The following ARSG variants were observed in gnomAD, a reference collection of about 807,000 sequenced individuals.
The protein encoded by ARSG is arylsulfatase G.
ARSG carries 37 observed loss-of-function variants against 50.5 expected under a neutral mutation model. The ratio of observed to expected loss-of-function variants is 0.73; its 90% confidence interval spans 0.56 to 0.96. The LOEUF is 0.96. Among genes scored for constraint, ARSG ranks in the 50% least tolerant of loss-of-function variants. The pLI is 0.00. For missense variants in ARSG, 629 were observed against 675.3 expected, an observed-to-expected ratio of 0.93 and a Z score of 0.76; for synonymous variants, 225 against 254.6, an observed-to-expected ratio of 0.88 and a Z score of 1.11.
At chr17:68,352,968 G>T (rs1168335134) in intron 5 of ARSG, among the ~76,000 whole-genome samples, 9 of 152,094 alleles carry the variant, frequency 5.9e-5, no homozygotes, top group Non-Finnish European at 1.5e-5. Context: ...GAGCACTGTG[G>T]TTATTTCTAA....
chr17:68,334,958 T>C (rs1250220369), intron 2 of ARSG, among the ~76,000 whole-genome samples: 1 of 152,150 alleles, frequency 6.6e-6, no homozygotes, highest in African/African-American at 2.4e-5. Context: ...ACCCCACCTC[T>C]CAATGGGAGG....
At chr17:68,403,915 G>A (rs944182620) in intron 11 of ARSG, among the ~76,000 whole-genome samples, 4 of 151,504 alleles carry the variant, frequency 2.6e-5, no homozygotes, top group South Asian at 2.1e-4. Flanking sequence ...GTGTCCATGT[G>A]TTCTCATTGT....
At chr17:68,439,365 A>C in the ARSG span, among the ~76,000 whole-genome samples, 1 of 152,222 alleles carries the variant, frequency 6.6e-6, no homozygotes, top group Admixed American at 6.5e-5. Context: ...TATGTGAAAG[A>C]AGTCAGTCAC....
At chr17:68,360,970 G>A (rs541064010) in intron 6 of ARSG, among the ~76,000 whole-genome samples, 3 of 152,100 alleles carry the variant, frequency 2.0e-5, no homozygotes, top group South Asian at 2.1e-4. Flanking sequence ...GATTACAGGC[G>A]CCCGCCACCA....
chr17:68,449,307 T>C, the ARSG span, among the ~76,000 whole-genome samples: 1 of 152,236 alleles, frequency 6.6e-6, no homozygotes, highest in Non-Finnish European at 1.5e-5. Context: ...GGTCGTATAA[T>C]GGTGAACACA....
In ARSG at chr17:68,307,693, T is replaced by C. The variant is rs2076661585; in HGVS notation, c.200T>C (p.Met67Thr). The C allele has an allele frequency of 2.5e-6, 4 of 1,590,534 alleles. No homozygotes were observed. Among genetic ancestry groups the C allele is most frequent in the Non-Finnish European group, 3.5e-6 (4 of 1,158,766 alleles). The change falls in exon 2 of 12, where the codon ATG (methionine) becomes ACG (threonine). Residue 67 changes from methionine to threonine, a missense_variant. Physicochemically the swap from Met to Thr is moderately conservative, Grantham distance 81 (BLOSUM62 -1). Coordinates refer to ENST00000621439, the MANE Select transcript of ARSG (RefSeq NM_001267727.2). ...AAGGACACTGCCAACCTTGATAAGA[T>C]GGCTTCGGAGGGAATGAGGTGAGTC... ...ETKDTANLDKMASEGMRFVDF... is the reference protein window; with the variant it reads ...ETKDTANLDKTASEGMRFVDF...
downstream of ARSG, chr17:68,424,406 G>C (rs1263900825): frequency 9.4e-6 from 5 of 533,050 alleles, no homozygotes; most frequent in Non-Finnish European, 1.2e-5. Context: ...GGGTTCCACG[G>C]ATCTGCGGGA....
At chr17:68,385,387 C>T (rs1180698525) in intron 9 of ARSG, among the ~76,000 whole-genome samples, 1 of 151,532 alleles carries the variant, frequency 6.6e-6, no homozygotes, top group African/African-American at 2.4e-5. Flanking sequence ...AGTGGGGCCA[C>T]GTGTGGAGGC....
chr17:68,326,867 G>C (rs2077525809), intron 2 of ARSG, among the ~76,000 whole-genome samples: 1 of 152,134 alleles, frequency 6.6e-6, no homozygotes, highest in Non-Finnish European at 1.5e-5. Context: ...TGTGCATCAA[G>C]CAACAGTCGT....
chr17:68,315,506 G>A (rs1255412227), intron 2 of ARSG, among the ~76,000 whole-genome samples: 1 of 151,870 alleles, frequency 6.6e-6, no homozygotes, highest in Admixed American at 6.6e-5. Flanking sequence ...CAGCCTGGGT[G>A]ATGGAGTGAA....
At chr17:68,346,392 G>A (rs1043151518) in intron 3 of ARSG, among the ~76,000 whole-genome samples, 8 of 152,260 alleles carry the variant, frequency 5.3e-5, no homozygotes, top group East Asian at 1.9e-4. Flanking sequence ...GTGGTTGCCC[G>A]TTAATCTCTC....
intron 1 of ARSG, among the ~76,000 whole-genome samples, chr17:68,297,575 C>T (rs2076251210): frequency 1.3e-5 from 2 of 152,136 alleles, no homozygotes; most frequent in Admixed American, 1.3e-4. Context: ...TGCAGGGAGT[C>T]TGGATTTTGC....
At chr17:68,282,779 T>TAA (rs36155626) in intron 1 of ARSG, among the ~76,000 whole-genome samples, 20 of 53,398 alleles carry the variant, frequency 3.7e-4, no homozygotes, top group Non-Finnish European at 5.0e-4. Context: ...CCATCTCTAC[T>TAA]AAAAAAAAAA....
chr17:68,322,595 G>A (rs899222322), intron 2 of ARSG, among the ~76,000 whole-genome samples: 12 of 151,580 alleles, frequency 7.9e-5, no homozygotes, highest in African/African-American at 1.7e-4. Context: ...CCAGCCTGGC[G>A]ATAGAGTGAG....
intron 5 of ARSG, among the ~76,000 whole-genome samples, chr17:68,352,960 G>A (rs908990087): frequency 3.3e-5 from 5 of 152,170 alleles, no homozygotes; most frequent in Non-Finnish European, 7.3e-5. Context: ...TTCGGACAGA[G>A]CACTGTGGTT....
intron 2 of ARSG, among the ~76,000 whole-genome samples, chr17:68,328,827 A>G (rs2077608345): frequency 6.6e-6 from 1 of 152,096 alleles, no homozygotes; most frequent in African/African-American, 2.4e-5. Context: ...GATGCAGGCT[A>G]TGGCTTTCCC....
the ARSG span, among the ~76,000 whole-genome samples, chr17:68,432,911 T>C: frequency 6.6e-6 from 1 of 152,200 alleles, no homozygotes; most frequent in East Asian, 1.9e-4. Context: ...CAAAGCTCAT[T>C]GTCTGCCCTG....
At chr17:68,279,841 T>G (rs782208964) in intron 1 of ARSG, among the ~76,000 whole-genome samples, 13 of 152,192 alleles carry the variant, frequency 8.5e-5, no homozygotes, top group Non-Finnish European at 1.8e-4. Context: ...TAATAATCAA[T>G]GAGTCCATGG....
At chr17:68,297,072 C>T (rs2145371109) in intron 1 of ARSG, among the ~76,000 whole-genome samples, 1 of 152,298 alleles carries the variant, frequency 6.6e-6, no homozygotes, top group South Asian at 2.1e-4. Flanking sequence ...TACAGAATGT[C>T]CCTGCCTTTA....
Sources: allele counts gnomAD v4.1 joint callset (sites outside exome capture counted in the v4.1 genomes callset), GRCh38; gene constraint gnomAD v4.1.1; transcripts MANE v1.5; gene names NCBI Gene and HGNC (gene_info 2026-07-23, HGNC 2026-07-21).